Variants in FOXP1 observed in about 807,000 individuals in gnomAD.
FOXP1 encodes the protein forkhead box P1, also known as forkhead box protein P1.
In FOXP1, 15 loss-of-function variants were observed where a neutral mutation model predicts 98.2. That is an observed-to-expected ratio of 0.15 (90% CI 0.10 to 0.24). The LOEUF is 0.24. FOXP1 is among the 10% of genes least tolerant of loss of function. The pLI is 1.00. For synonymous variants in FOXP1, 371 were observed against 314.5 expected (o/e 1.18, Z -1.90); for missense variants, 633 against 848.5 (o/e 0.75, Z 3.15).
At position 70,978,353 on chromosome 3, in the gene FOXP1, T is replaced by C. The variant is rs1455118855; in HGVS notation, c.1147-324A>G. On this transcript the variant is annotated intron_variant, in intron 14 of 20. Coordinates refer to ENST00000649528, the MANE Select transcript of FOXP1 (RefSeq NM_001349338.3). ...CATTGTGATGTCTCACCTATAGGCT[T>C]TGATCGCCCATCAGGCCTTGTCAAC... 2.0e-5 allele frequency among the ~76,000 whole-genome samples: 3 copies of C among 150,402 alleles called. No homozygotes were observed. In the East Asian group the frequency reaches 5.8e-4, roughly 29 times the overall value.
At chr3:71,154,235 G>A in intron 6 of FOXP1, among the ~76,000 whole-genome samples, 1 of 152,002 alleles carries the variant, frequency 6.6e-6, no homozygotes, top group Non-Finnish European at 1.5e-5. Context: ...TGGGTGTGGT[G>A]AGAACATTTG....
At chr3:71,175,103 G>A (rs931074935) in intron 6 of FOXP1, among the ~76,000 whole-genome samples, 8 of 152,100 alleles carry the variant, frequency 5.3e-5, no homozygotes, top group African/African-American at 1.4e-4. Flanking sequence ...CAGTAGAGAC[G>A]AGGTTTCACT....
chr3:71,205,335 C>T lies in FOXP1; in HGVS notation c.-11-6943G>A, dbSNP rs543958375. Among the ~76,000 whole-genome samples, 8 of 152,202 alleles carry T rather than the reference C, an allele frequency of 5.3e-5. No homozygotes were observed. In the East Asian group the frequency reaches 5.8e-4, roughly 11 times the overall value. The stretch of plus-strand genomic sequence containing the variant: ...TCCATCATAAATATCAGAAGGATAG[C>T]ACTGTAACACCATAAATTATGCATA... On this transcript the variant is annotated intron_variant, in intron 5 of 20. Coordinates refer to ENST00000649528, the MANE Select transcript of FOXP1 (RefSeq NM_001349338.3).
At chr3:71,018,229 A>G (rs1270663518) in intron 11 of FOXP1, among the ~76,000 whole-genome samples, 1 of 152,146 alleles carries the variant, frequency 6.6e-6, no homozygotes, top group Non-Finnish European at 1.5e-5. Flanking sequence ...CACATCTAAG[A>G]ATTTACTTTT....
intron 2 of FOXP1, among the ~76,000 whole-genome samples, chr3:71,542,687 A>T (rs2044960475): frequency 6.6e-6 from 1 of 152,164 alleles, no homozygotes; most frequent in South Asian, 2.1e-4. Context: ...CACAGAGGAG[A>T]GTGTGAGCGA....
chr3:71,427,096 TC>T (rs1307700905), intron 3 of FOXP1, among the ~76,000 whole-genome samples: 12 of 151,670 alleles, frequency 7.9e-5, no homozygotes, highest in African/African-American at 2.9e-4. Flanking sequence ...ATTTTTTTTT[TC>T]ATATAATCAC....
At chr3:71,223,675 C>T (rs150101983) in intron 5 of FOXP1, among the ~76,000 whole-genome samples, 2,669 of 128,698 alleles carry the variant, frequency 0.021, 41 homozygotes, top group Middle Eastern at 0.073. Context: ...GGCCTGGTGA[C>T]AGAGCGAGAC....
intron 6 of FOXP1, among the ~76,000 whole-genome samples, chr3:71,143,889 G>A (rs2060184777): frequency 6.6e-6 from 1 of 152,334 alleles, no homozygotes; most frequent in African/African-American, 2.4e-5. Flanking sequence ...GAATTTGGAA[G>A]ATGGGGCTAA....
intron 7 of FOXP1, among the ~76,000 whole-genome samples, chr3:71,107,888 C>T (rs949786370): frequency 2.0e-5 from 3 of 152,180 alleles, no homozygotes; most frequent in Non-Finnish European, 4.4e-5. Flanking sequence ...AAAACACCTG[C>T]TGAATCTTGT....
At chr3:71,327,536 T>C (rs962606365) in intron 4 of FOXP1, among the ~76,000 whole-genome samples, 1 of 150,736 alleles carries the variant, frequency 6.6e-6, no homozygotes, top group Non-Finnish European at 1.5e-5. Flanking sequence ...TACAGGCGCC[T>C]GCCACCACGC....
chr3:71,014,360 A>G (rs888169466), intron 12 of FOXP1, among the ~76,000 whole-genome samples: 2 of 152,194 alleles, frequency 1.3e-5, no homozygotes, highest in African/African-American at 4.8e-5. Flanking sequence ...TCAAAAGAAG[A>G]CATTTATGCA....
At chr3:71,079,537 T>C (rs112256172) in intron 7 of FOXP1, among the ~76,000 whole-genome samples, 315 of 152,378 alleles carry the variant, frequency 2.1e-3, no homozygotes, top group African/African-American at 6.7e-3. Flanking sequence ...TCTTGGATCA[T>C]ATTCATCTGA....
At chr3:71,185,826 T>A (rs566176361) in intron 6 of FOXP1, among the ~76,000 whole-genome samples, 2 of 152,200 alleles carry the variant, frequency 1.3e-5, no homozygotes, top group Non-Finnish European at 2.9e-5. Flanking sequence ...TATCTCCTGA[T>A]GGAAGAGGTT....
chr3:71,304,606 C>T (rs184917940), intron 4 of FOXP1: 187 of 152,332 alleles, frequency 1.2e-3, no homozygotes, highest in African/African-American at 4.3e-3. Context: ...AGAAGGTGCT[C>T]TGACGGAGTT....
intron 4 of FOXP1, among the ~76,000 whole-genome samples, chr3:71,349,231 A>C (rs540534827): frequency 6.6e-6 from 1 of 152,368 alleles, no homozygotes; most frequent in South Asian, 2.1e-4. Context: ...GTGAAAGATA[A>C]TGTGATGAAT....
intron 2 of FOXP1, 156 bp downstream of exon 2, chr3:71,581,393 A>C: frequency 1.0e-6 from 1 of 985,318 alleles, no homozygotes; most frequent in Non-Finnish European, 1.2e-6. Context: ...ATTTCGAAGC[A>C]CCTACCGGCC....
chr3:71,381,645 T>C (rs563104381), intron 3 of FOXP1, among the ~76,000 whole-genome samples: 1 of 152,192 alleles, frequency 6.6e-6, no homozygotes, highest in South Asian at 2.1e-4. Context: ...AGTCTCTCTG[T>C]GTTGCCCAGG....
At chr3:71,276,640 G>A (rs1160904307) in intron 5 of FOXP1, among the ~76,000 whole-genome samples, 2 of 152,044 alleles carry the variant, frequency 1.3e-5, no homozygotes, top group South Asian at 2.1e-4. Flanking sequence ...AACAATAACT[G>A]TATATATGCA....
chr3:71,538,796 C>T (rs1212705858), intron 2 of FOXP1, among the ~76,000 whole-genome samples: 2 of 152,192 alleles, frequency 1.3e-5, no homozygotes, highest in Admixed American at 6.5e-5. Flanking sequence ...CCTATAATTT[C>T]TTCTAAGAGT....
Sources: gnomAD v4.1 joint callset for allele counts (sites outside exome capture counted in the v4.1 genomes callset) on GRCh38, gnomAD v4.1.1 for gene constraint, MANE v1.5 for transcripts, NCBI Gene and HGNC (gene_info 2026-07-23, HGNC 2026-07-21) for gene names.